Variants in TBPL2 observed in about 807,000 individuals in gnomAD.
The protein encoded by TBPL2 is TATA-box binding protein like 2.
TBPL2 carries 40 observed loss-of-function variants against 38.2 expected under a neutral mutation model. The observed-to-expected ratio is 1.05, with a 90% CI of 0.81 to 1.36. The LOEUF is 1.36. Among genes scored for constraint, TBPL2 ranks in the 40% most tolerant of loss-of-function variants. TBPL2 has a pLI of 0.00. For synonymous variants in TBPL2, 169 were observed against 171.7 expected, an observed-to-expected ratio of 0.98 and a Z score of 0.12; for missense variants, 461 against 456.7, an observed-to-expected ratio of 1.01 and a Z score of -0.09.
intron 1 of TBPL2, among the ~76,000 whole-genome samples, chr14:55,438,314 G>T (rs1886049074): frequency 6.6e-6 from 1 of 152,142 alleles, no homozygotes; most frequent in African/African-American, 2.4e-5. Context: ...AAAGCACTTA[G>T]AATTAAAAAC....
intron 1 of TBPL2, 68 bp from the exon 2 acceptor site, chr14:55,437,086 G>A: frequency 7.2e-7 from 1 of 1,395,086 alleles, no homozygotes; most frequent in East Asian, 2.3e-5. Flanking sequence ...CAAAAGGGAT[G>A]TCACTATGGC....
intron 6 of TBPL2, among the ~76,000 whole-genome samples, chr14:55,423,703 T>G (rs924675563): frequency 6.6e-6 from 1 of 152,228 alleles, no homozygotes; most frequent in Non-Finnish European, 1.5e-5. Flanking sequence ...CATTCCTTTA[T>G]ATAATGTAAC....
chr14:55,415,880 T>G (rs1201618217), intron 6 of TBPL2, among the ~76,000 whole-genome samples: 1 of 151,856 alleles, frequency 6.6e-6, no homozygotes, highest in African/African-American at 2.4e-5. Context: ...TAAAAAAATG[T>G]ATGGTGTGTA....
chr14:55,436,868 A>G (rs1298971468), exon 2 of TBPL2: 1 of 1,614,228 alleles, frequency 6.2e-7, no homozygotes, highest in Non-Finnish European at 8.5e-7. Flanking sequence ...TCTGGTAGGA[A>G]GCTAAGATCC....
rs150652161 is a variant in TBPL2, at chr14:55,424,537, G to C, written c.957-284C>G. Among the ~76,000 whole-genome samples, 290 of 152,300 alleles carry C rather than the reference G, an allele frequency of 1.9e-3. 3 individuals are homozygous for C. The highest frequency in any genetic ancestry group is 2.5e-3 in the Non-Finnish European group (171 of 68,024). On this transcript the variant is annotated intron_variant, in intron 5 of 6. Coordinates refer to ENST00000247219, the Ensembl canonical transcript of TBPL2. ...TAGGGCATCTGATTTAGTGTATTGAGAGCTTGTTGGTTAAACATCCTCTAT... is the reference window on the plus strand; with the variant it reads ...TAGGGCATCTGATTTAGTGTATTGACAGCTTGTTGGTTAAACATCCTCTAT...
chr14:55,433,295 C>G (rs1885960951), intron 4 of TBPL2, among the ~76,000 whole-genome samples: 1 of 138,288 alleles, frequency 7.2e-6, no homozygotes, highest in Admixed American at 7.4e-5. Context: ...CATCCAGCTA[C>G]TTTTTAGATT....
intron 6 of TBPL2, among the ~76,000 whole-genome samples, chr14:55,417,908 C>G (rs151028412): frequency 1.8e-4 from 27 of 152,302 alleles, no homozygotes; most frequent in African/African-American, 6.0e-4. Flanking sequence ...CCAGCTCTAC[C>G]TCTAACTAGC....
chr14:55,435,769 A>T, intron 3 of TBPL2, 78 bp downstream of exon 3: 1 of 1,041,738 alleles, frequency 9.6e-7, no homozygotes, highest in Non-Finnish European at 1.4e-6. Flanking sequence ...CAGAGGAATT[A>T]GTCAATATCA....
At chr14:55,429,094 G>A in intron 4 of TBPL2, 120 bp from the exon 5 acceptor site, 2 of 1,270,148 alleles carry the variant, frequency 1.6e-6, no homozygotes, top group East Asian at 2.4e-5. Flanking sequence ...CTATGAAGCT[G>A]TAGGCTTTGT....
intron 5 of TBPL2, 83 bp from the exon 6 acceptor site, chr14:55,424,336 T>C: frequency 1.2e-6 from 1 of 835,394 alleles, no homozygotes; most frequent in Non-Finnish European, 1.9e-6. Context: ...TATATTAAAG[T>C]GCATATTAAA....
At position 55,435,836 on chromosome 14, in the gene TBPL2, A is replaced by C; in HGVS notation, c.696+11T>G. The stretch of plus-strand genomic sequence containing the variant: ...AAGCTAATTATTGGAAGGAATACTG[A>C]GAAATGTTACCTTTGGGTTATATTC... On this transcript the variant is annotated intron_variant, in intron 3 of 6. Coordinates refer to ENST00000247219, the Ensembl canonical transcript of TBPL2. The C allele has an allele frequency of 6.5e-7, 1 of 1,534,536 alleles. No individual in the cohort carries two copies. Among genetic ancestry groups the C allele is most frequent in the Non-Finnish European group, 8.8e-7 (1 of 1,139,138 alleles).
exon 7 of TBPL2, chr14:55,414,296 AAACGTAGAAGAATCC>A: frequency 9.4e-7 from 1 of 1,058,456 alleles, no homozygotes; most frequent in Non-Finnish European, 1.4e-6. Context: ...ATCTACAATT[AAACGTAGAAGAATCC>A]AGCTGTTTCT....
intron 6 of TBPL2, among the ~76,000 whole-genome samples, chr14:55,418,582 G>A (rs1442121967): frequency 6.6e-6 from 1 of 152,056 alleles, no homozygotes; most frequent in African/African-American, 2.4e-5. Flanking sequence ...CGTGTCTCTG[G>A]CCCACTCACT....
chr14:55,421,911 T>G (rs1885750845), intron 6 of TBPL2, among the ~76,000 whole-genome samples: 1 of 152,242 alleles, frequency 6.6e-6, no homozygotes, highest in African/African-American at 2.4e-5. Context: ...TCAGGTAATA[T>G]AAAAGTCTCA....
intron 4 of TBPL2, among the ~76,000 whole-genome samples, chr14:55,431,206 C>T (rs10146736): frequency 0.3 from 45,668 of 152,054 alleles, 9,397 homozygotes; most frequent in African/African-American, 0.6. Context: ...TAAATTCTCA[C>T]AACTCACTAT....
chr14:55,428,539 C>T (rs1008870899), intron 5 of TBPL2, among the ~76,000 whole-genome samples: 2 of 152,110 alleles, frequency 1.3e-5, no homozygotes, highest in Non-Finnish European at 2.9e-5. Context: ...AGCAAAATCT[C>T]TGGTGAAGAA....
chr14:55,425,546 C>G (rs1885808391), intron 5 of TBPL2, among the ~76,000 whole-genome samples: 1 of 152,170 alleles, frequency 6.6e-6, no homozygotes, highest in African/African-American at 2.4e-5. Flanking sequence ...TTATTCTCTG[C>G]CTCATTCCAA....
At chr14:55,430,686 T>A (rs1012248832) in intron 4 of TBPL2, among the ~76,000 whole-genome samples, 7 of 152,188 alleles carry the variant, frequency 4.6e-5, no homozygotes, top group Admixed American at 1.3e-4. Flanking sequence ...TGTGAGCCAC[T>A]GCACATGGCC....
At chr14:55,415,856 ACT>A (rs1885661055) in intron 6 of TBPL2, among the ~76,000 whole-genome samples, 1 of 152,262 alleles carries the variant, frequency 6.6e-6, no homozygotes, top group African/African-American at 2.4e-5. Context: ...ACACAGCGAG[ACT>A]CTGTCTCAAA....
Sources: allele counts gnomAD v4.1 joint callset (sites outside exome capture counted in the v4.1 genomes callset), GRCh38; gene constraint gnomAD v4.1.1; transcripts MANE v1.5; gene names NCBI Gene and HGNC (gene_info 2026-07-23, HGNC 2026-07-21).